The following PARD3B variants were observed in gnomAD, a reference collection of about 807,000 sequenced individuals.
PARD3B encodes partitioning defective 3 homolog B.
Under a neutral mutation model 130.2 loss-of-function variants are expected in PARD3B, and 103 were observed. The observed-to-expected ratio is 0.79, with a 90% CI of 0.67 to 0.93. The LOEUF (loss-of-function observed/expected upper bound fraction) is 0.93, where lower values mean the gene tolerates loss of function less well. Ranked by LOEUF, PARD3B falls within the 40% of genes least tolerant of loss-of-function variation. The pLI, the probability that PARD3B is intolerant of heterozygous loss-of-function variation, is 0.00. For synonymous variants in PARD3B, 583 were observed against 553.2 expected, an observed-to-expected ratio of 1.05 and a Z score of -0.76; for missense variants, 1,609 against 1,499.2, an observed-to-expected ratio of 1.07 and a Z score of -1.21.
At chr2:205,051,040 C>A (rs1157793542) in intron 4 of PARD3B, among the ~76,000 whole-genome samples, 1 of 152,112 alleles carries the variant, frequency 6.6e-6, no homozygotes, top group Non-Finnish European at 1.5e-5. Flanking sequence ...ATTGTTCGCT[C>A]ACTGATAAGA....
At chr2:205,271,040 C>T (rs542398881) in intron 16 of PARD3B, among the ~76,000 whole-genome samples, 1 of 152,186 alleles carries the variant, frequency 6.6e-6, no homozygotes, top group East Asian at 1.9e-4. Context: ...TGCCATGCCA[C>T]AAAAAATAAT....
chr2:204,601,343 T>C (rs2033503928), intron 1 of PARD3B, among the ~76,000 whole-genome samples: 1 of 151,964 alleles, frequency 6.6e-6, no homozygotes, highest in African/African-American at 2.4e-5. Context: ...TGATGGGTTT[T>C]CCTTTCAAGT....
At chr2:205,464,736 G>T (rs1210388048) in intron 20 of PARD3B, among the ~76,000 whole-genome samples, 1 of 152,118 alleles carries the variant, frequency 6.6e-6, no homozygotes, top group Non-Finnish European at 1.5e-5. Context: ...AATCACACAG[G>T]CCAGATAGTT....
intron 15 of PARD3B, among the ~76,000 whole-genome samples, chr2:205,236,955 C>T (rs1476428912): frequency 6.6e-6 from 1 of 152,126 alleles, no homozygotes; most frequent in Non-Finnish European, 1.5e-5. Context: ...TAAAGTACAA[C>T]ATTCAGGATT....
chr2:205,063,309 T>C (rs1172930733), intron 4 of PARD3B, among the ~76,000 whole-genome samples: 1 of 151,944 alleles, frequency 6.6e-6, no homozygotes, highest in Non-Finnish European at 1.5e-5. Flanking sequence ...TGTACAACTA[T>C]GATGTACTAA....
rs541746452 is a variant in PARD3B, at chr2:205,229,874, C to A, written c.2141-15904C>A. Among the ~76,000 whole-genome samples the A allele has an allele frequency of 3.0e-4, 46 of 151,916 alleles. 1 individual carries two copies. In the South Asian group the frequency reaches 7.9e-3, roughly 26 times the overall value. On this transcript the variant is annotated intron_variant, in intron 15 of 22. Transcript: ENST00000406610. This position sits in a 1 kb window ranked among gnomAD's most constrained non-coding sequence, Gnocchi z 5.2. Reference sequence around the variant, plus strand: ...TTGAGTCTGAGCTGGCACCAAGCCCCACTTTTCCCTCTTCTTTCCACAAGC... The same window carrying A: ...TTGAGTCTGAGCTGGCACCAAGCCCAACTTTTCCCTCTTCTTTCCACAAGC...
chr2:204,986,101 CAAAAAAAAAA>C (rs371839271), intron 3 of PARD3B, among the ~76,000 whole-genome samples: 6 of 51,240 alleles, frequency 1.2e-4, no homozygotes, highest in African/African-American at 2.5e-4. Flanking sequence ...ACTCTGTCTC[CAAAAAAAAAA>C]AAAAAAAAAA....
chr2:205,036,911 G>A lies in PARD3B; in HGVS notation c.395-10670G>A, dbSNP rs921128518. On this transcript the variant is annotated intron_variant, in intron 3 of 22. Coordinates refer to ENST00000406610, the MANE Select transcript of PARD3B (RefSeq NM_001302769.2). ...TGTATATATAAAGAACATATATAGC[G>A]GACTGTATATATAAAAAACATATAG... Among the ~76,000 whole-genome samples the A allele has an allele frequency of 5.5e-5, 8 of 144,532 alleles. No individual in the cohort carries two copies. In the East Asian group the frequency reaches 6.2e-4, roughly 11 times the overall value. The allele number at this position is 144,532 out of a possible 152,430, so 94.8% of individuals were successfully genotyped here. A position where few individuals can be genotyped will look rare whatever the true frequency, so the allele number is the denominator to read the frequency against.
intron 1 of PARD3B, among the ~76,000 whole-genome samples, chr2:204,685,249 G>A (rs1021337719): frequency 1.4e-4 from 21 of 152,102 alleles, no homozygotes; most frequent in African/African-American, 5.1e-4. Context: ...GATACCAAGT[G>A]TATTATAGCT....
At chr2:204,759,204 A>T (rs1326358961) in intron 2 of PARD3B, among the ~76,000 whole-genome samples, 1 of 152,184 alleles carries the variant, frequency 6.6e-6, no homozygotes, top group Admixed American at 6.5e-5. Context: ...ACATAAAATT[A>T]AAATTTAAAT....
intron 5 of PARD3B, among the ~76,000 whole-genome samples, chr2:205,106,234 G>A (rs563642517): frequency 3.8e-4 from 58 of 151,772 alleles, no homozygotes; most frequent in African/African-American, 1.2e-3. Flanking sequence ...CGCAACCTCC[G>A]CCCCCCAGGT....
chr2:205,272,858 G>A (rs775514316), intron 16 of PARD3B, among the ~76,000 whole-genome samples: 11 of 152,138 alleles, frequency 7.2e-5, no homozygotes, highest in Non-Finnish European at 1.2e-4. Flanking sequence ...ACAAAAAACC[G>A]CATGAATATC....
At chr2:204,826,470 C>CA (rs889367544) in intron 2 of PARD3B, among the ~76,000 whole-genome samples, 2 of 151,710 alleles carry the variant, frequency 1.3e-5, no homozygotes, top group East Asian at 1.9e-4. Flanking sequence ...TTCCTAGGGG[C>CA]AAAAAATGAG....
At chr2:204,744,478 A>C (rs529421685) in intron 2 of PARD3B, among the ~76,000 whole-genome samples, 1 of 152,332 alleles carries the variant, frequency 6.6e-6, no homozygotes, top group African/African-American at 2.4e-5. Context: ...AAGATGGAAC[A>C]GACAAATGTT....
chr2:204,765,352 A>T (rs1352503998), intron 2 of PARD3B, among the ~76,000 whole-genome samples: 1 of 152,174 alleles, frequency 6.6e-6, no homozygotes, highest in Non-Finnish European at 1.5e-5. Flanking sequence ...GCTGTCTAAA[A>T]TTGGAGAACC....
chr2:205,571,274 G>A (rs544915585), intron 22 of PARD3B, among the ~76,000 whole-genome samples: 10 of 152,272 alleles, frequency 6.6e-5, no homozygotes, highest in South Asian at 4.1e-4. Context: ...ATTAATAAGC[G>A]AAAGATGGTT....
At chr2:204,554,101 C>G (rs2030742841) in intron 1 of PARD3B, among the ~76,000 whole-genome samples, 1 of 152,116 alleles carries the variant, frequency 6.6e-6, no homozygotes, top group African/African-American at 2.4e-5. Flanking sequence ...CCTACACTCT[C>G]CTGACTTTTT....
At chr2:204,892,866 G>A (rs1182987930) in intron 2 of PARD3B, among the ~76,000 whole-genome samples, 1 of 152,222 alleles carries the variant, frequency 6.6e-6, no homozygotes, top group Non-Finnish European at 1.5e-5. Flanking sequence ...GAATCAGTAA[G>A]TTGTTAGTGT....
intron 18 of PARD3B, among the ~76,000 whole-genome samples, chr2:205,320,404 C>T (rs1009992926): frequency 1.3e-5 from 2 of 152,144 alleles, no homozygotes; most frequent in Admixed American, 6.5e-5. Flanking sequence ...CTAGTGAGCT[C>T]TGCTCTTCAG....
Sources: allele counts gnomAD v4.1 joint callset (sites outside exome capture counted in the v4.1 genomes callset), GRCh38; gene constraint gnomAD v4.1.1; non-coding constraint Gnocchi (gnomAD v3.1); transcripts MANE v1.5; gene names NCBI Gene and HGNC (gene_info 2026-07-23, HGNC 2026-07-21).